The following SAMD5 variants were observed in gnomAD, a reference collection of about 807,000 sequenced individuals.
The protein encoded by SAMD5 is sterile alpha motif domain-containing protein 5.
A neutral mutation model predicts 11.3 loss-of-function variants in SAMD5; 13 were observed. That is an observed-to-expected ratio of 1.15 (90% CI 0.75 to 1.83). The LOEUF is 1.83. Among genes scored for constraint, SAMD5 ranks in the 40% most tolerant of loss-of-function variants. SAMD5 has a pLI of 0.00. For missense variants in SAMD5, 255 were observed against 239.1 expected, an observed-to-expected ratio of 1.07 and a Z score of -0.44; for synonymous variants, 129 against 111.3, an observed-to-expected ratio of 1.16 and a Z score of -1.00.
At chr6:147,522,507 A>C (rs1788269402) in intron 1 of SAMD5, among the ~76,000 whole-genome samples, 1 of 152,208 alleles carries the variant, frequency 6.6e-6, no homozygotes, top group Non-Finnish European at 1.5e-5. Context: ...TATTACATTA[A>C]CAGATTTCCT....
chr6:147,840,269 G>A, the SAMD5 span, among the ~76,000 whole-genome samples: 15 of 152,130 alleles, frequency 9.9e-5, no homozygotes, highest in East Asian at 1.9e-4. Context: ...TCACTGATTC[G>A]TTCTACAAAC....
At chr6:147,588,142 C>T (rs2128446935) in intron 1 of SAMD5, among the ~76,000 whole-genome samples, 1 of 151,660 alleles carries the variant, frequency 6.6e-6, no homozygotes, top group East Asian at 2.0e-4. Context: ...GTCCAGGGTA[C>T]AGTCACTTAA....
At chr6:147,694,089 A>G (rs1050715350) in intron 1 of SAMD5, among the ~76,000 whole-genome samples, 1 of 152,220 alleles carries the variant, frequency 6.6e-6, no homozygotes, top group African/African-American at 2.4e-5. Context: ...CATTATGAAG[A>G]GACAACAAGA....
intron 1 of SAMD5, among the ~76,000 whole-genome samples, chr6:147,644,769 C>T (rs7755990): frequency 0.033 from 5,080 of 152,192 alleles, 291 homozygotes; most frequent in African/African-American, 0.11. Context: ...AGTATTCTGC[C>T]GTGACAACTT....
chr6:147,596,041 A>G (rs780832351), intron 1 of SAMD5, among the ~76,000 whole-genome samples: 15 of 152,162 alleles, frequency 9.9e-5, no homozygotes, highest in Non-Finnish European at 1.6e-4. Context: ...ATACATGCTG[A>G]TTACATGATG....
At chr6:147,803,590 A>G in the SAMD5 span, among the ~76,000 whole-genome samples, 11,102 of 152,324 alleles carry the variant, frequency 0.073, 580 homozygotes, top group African/African-American at 0.14. Flanking sequence ...AATGTGGTAG[A>G]CAGCATGTTT....
chr6:147,710,083 T>G (rs1791375619), intron 1 of SAMD5, among the ~76,000 whole-genome samples: 1 of 152,224 alleles, frequency 6.6e-6, no homozygotes, highest in South Asian at 2.1e-4. Flanking sequence ...CAGAAATACC[T>G]GCAGTTGCAG....
At chr6:147,656,164 A>G (rs1352873710) in intron 1 of SAMD5, among the ~76,000 whole-genome samples, 2 of 152,184 alleles carry the variant, frequency 1.3e-5, no homozygotes, top group Non-Finnish European at 1.5e-5. Flanking sequence ...TCTGTTGCTC[A>G]TACCACACAC....
chr6:147,661,112 A>G (rs1187042574), intron 1 of SAMD5, among the ~76,000 whole-genome samples: 1 of 152,260 alleles, frequency 6.6e-6, no homozygotes, highest in East Asian at 1.9e-4. Flanking sequence ...AATTATATGT[A>G]TATATATTCC....
intron 1 of SAMD5, among the ~76,000 whole-genome samples, chr6:147,526,765 A>G (rs1417736062): frequency 1.3e-5 from 2 of 152,198 alleles, no homozygotes; most frequent in Non-Finnish European, 2.9e-5. Context: ...AGAGTGACAA[A>G]AGTGCGAGGT....
the SAMD5 span, among the ~76,000 whole-genome samples, chr6:147,934,026 TC>T: frequency 3.3e-5 from 5 of 152,102 alleles, no homozygotes; most frequent in Non-Finnish European, 2.9e-5. Context: ...TAATTTACTT[TC>T]CCCCCATAAA....
intron 1 of SAMD5, among the ~76,000 whole-genome samples, chr6:147,685,225 C>T (rs1339584185): frequency 6.6e-6 from 1 of 152,164 alleles, no homozygotes; most frequent in Non-Finnish European, 1.5e-5. Flanking sequence ...GAGATGGAGT[C>T]TCACTTTGTC....
At chr6:147,582,584 C>T (rs752270408) in intron 1 of SAMD5, among the ~76,000 whole-genome samples, 4 of 152,144 alleles carry the variant, frequency 2.6e-5, no homozygotes, top group Non-Finnish European at 5.9e-5. Context: ...CCGACTTGTC[C>T]AGTCTCATCT....
the SAMD5 span, among the ~76,000 whole-genome samples, chr6:147,869,172 C>T: frequency 6.6e-6 from 1 of 152,192 alleles, no homozygotes; most frequent in African/African-American, 2.4e-5. Context: ...ATATGTGAAT[C>T]AGTTACAAAG....
the SAMD5 span, among the ~76,000 whole-genome samples, chr6:147,758,617 T>C: frequency 6.6e-6 from 1 of 152,198 alleles, no homozygotes; most frequent in South Asian, 2.1e-4. Context: ...TAATCTTCTT[T>C]AACCAATTCT....
chr6:147,879,333 C>T, the SAMD5 span, among the ~76,000 whole-genome samples: 3 of 152,166 alleles, frequency 2.0e-5, no homozygotes, highest in Non-Finnish European at 2.9e-5. Flanking sequence ...AAGCTTAGTG[C>T]CCGTGGACTC....
At chr6:147,673,341 G>A (rs929018291) in intron 1 of SAMD5, among the ~76,000 whole-genome samples, 13 of 151,980 alleles carry the variant, frequency 8.6e-5, no homozygotes, top group Non-Finnish European at 1.6e-4. Context: ...AGCCTCCTGA[G>A]TAGCTGGGAC....
At chr6:147,582,176 T>A (rs918710193) in intron 1 of SAMD5, among the ~76,000 whole-genome samples, 1 of 152,048 alleles carries the variant, frequency 6.6e-6, no homozygotes, top group African/African-American at 2.4e-5. Flanking sequence ...CTGACCAACA[T>A]GGTGAAACCC....
rs184868583 is a variant in SAMD5 at position 147,722,008 on chromosome 6, G to T, written c.163-15309G>T. ...CTCTTCATTCAACTTTTTAATAAAA[G>T]AAAGAAAAAAATATGCTTGGTATTA... On this transcript the variant is annotated intron_variant, in intron 1 of 1. Transcript: ENST00000566741. 3.6e-4 allele frequency among the ~76,000 whole-genome samples: 55 copies of T among 152,110 alleles called. 1 individual carries two copies. In the East Asian group the frequency reaches 8.5e-3, roughly 23 times the overall value.
Sources: gnomAD v4.1 joint callset for allele counts (sites outside exome capture counted in the v4.1 genomes callset) on GRCh38, gnomAD v4.1.1 for gene constraint, MANE v1.5 for transcripts, NCBI Gene and HGNC (gene_info 2026-07-23, HGNC 2026-07-21) for gene names.